Variants in COPG2 observed in about 807,000 individuals in gnomAD.
The protein encoded by COPG2 is coatomer subunit gamma-2.
Under a neutral mutation model 46.3 loss-of-function variants are expected in COPG2, and 37 were observed. The ratio of observed to expected loss-of-function variants is 0.80; its 90% CI spans 0.61 to 1.05. COPG2 has a LOEUF of 1.05. Among genes scored for constraint, COPG2 ranks in the 50% least tolerant of loss-of-function variants. The pLI, the probability that COPG2 is intolerant of heterozygous loss-of-function variation, is 0.00. For synonymous variants in COPG2, 159 were observed against 129.7 expected, an observed-to-expected ratio of 1.23 and a Z score of -1.53; for missense variants, 427 against 387.8, an observed-to-expected ratio of 1.10 and a Z score of -0.85.
chr7:130,509,947 G>A, intron 20 of COPG2: 1 of 471,560 alleles, frequency 2.1e-6, no homozygotes, highest in Non-Finnish European at 4.3e-6. Context: ...TGTACAAACA[G>A]GCAAAAGGAA....
At chr7:130,631,529 C>T (rs1795231499) in intron 5 of COPG2, among the ~76,000 whole-genome samples, 1 of 152,080 alleles carries the variant, frequency 6.6e-6, no homozygotes. Flanking sequence ...TTCTATTTAA[C>T]TCTTTTGTTG....
chr7:130,610,798 A>C (rs782434000), intron 9 of COPG2, 155 bp downstream of exon 9: 4 of 754,854 alleles, frequency 5.3e-6, no homozygotes, highest in East Asian at 2.6e-5. Context: ...AAAAAGTGTG[A>C]CTTGAAATTC....
At chr7:130,573,720 G>A (rs1054426452) in intron 9 of COPG2, among the ~76,000 whole-genome samples, 15 of 151,954 alleles carry the variant, frequency 9.9e-5, no homozygotes, top group Admixed American at 2.0e-4. Context: ...ACACCCATGC[G>A]TGATTTTTAA....
At chr7:130,542,058 A>G (rs1286694188) in intron 20 of COPG2, among the ~76,000 whole-genome samples, 2,188 of 124,526 alleles carry the variant, frequency 0.018, 152 homozygotes, top group South Asian at 0.045. Flanking sequence ...GGGCAAGAAG[A>G]ATGAGTTGGA....
chr7:130,614,343 C>CA (rs782326558), intron 6 of COPG2, among the ~76,000 whole-genome samples: 13 of 152,042 alleles, frequency 8.6e-5, no homozygotes, highest in Non-Finnish European at 1.9e-4. Flanking sequence ...AACAGTGCAC[C>CA]AAAAAATATT....
Position 130,588,576 on chromosome 7 carries a change from CAT to C in COPG2, c.737+22375_737+22376del, listed in dbSNP as rs562851621. Among the ~76,000 whole-genome samples, 444 of 152,088 alleles carry C rather than the reference CAT, an allele frequency of 2.9e-3. 2 individuals are homozygous for C. The highest frequency in any genetic ancestry group is 9.1e-3 in the African/African-American group (379 of 41,476). On this transcript the variant is annotated intron_variant, in intron 9 of 23. Transcript: ENST00000425248. ...AAACCAAACACCGCATGTTCTTGCTCATAGGTGGGAATTGAACAATGAGAACA... is the reference window on the plus strand; with the variant it reads ...AAACCAAACACCGCATGTTCTTGCTCAGGTGGGAATTGAACAATGAGAACA...
intron 1 of COPG2, 96 bp from the exon 2 acceptor site, chr7:130,667,630 ACACTTG>A (rs1796114770): frequency 1.1e-6 from 1 of 894,354 alleles, no homozygotes; most frequent in Admixed American, 2.0e-5. Flanking sequence ...TGGGAAGTGA[ACACTTG>A]GATGGCACAG....
rs1469233473 is a variant in COPG2 at position 130,541,877 on chromosome 7, G to A, written c.2149+5797C>T. 5.0e-5 allele frequency among the ~76,000 whole-genome samples: 7 copies of A among 139,132 alleles called. No homozygotes were observed. The East Asian group carries it at 1.4e-3, about 28-fold the overall frequency. The allele number at this position is 139,132 out of a possible 152,430, so 91.3% of individuals were successfully genotyped here. On this transcript the variant is annotated intron_variant, in intron 20 of 23. Coordinates refer to ENST00000425248, the MANE Select transcript of COPG2 (RefSeq NM_012133.6). ...GAATTAGGCCAGTGGCAGAATCGCA[G>A]GTGGTGCTGAGAGAACGCAGCATGG...
At chr7:130,635,562 T>C (rs1795320180) in intron 5 of COPG2, among the ~76,000 whole-genome samples, 2 of 152,206 alleles carry the variant, frequency 1.3e-5, no homozygotes, top group South Asian at 4.1e-4. Flanking sequence ...TGATATCTTT[T>C]ATCATTTTTT....
intron 12 of COPG2, among the ~76,000 whole-genome samples, chr7:130,555,721 C>T (rs1261391708): frequency 3.9e-5 from 6 of 151,978 alleles, no homozygotes; most frequent in African/African-American, 1.2e-4. Flanking sequence ...CCCAGCTACT[C>T]GGAGAGCCTG....
chr7:130,563,038 A>C (rs1480890357), intron 11 of COPG2, among the ~76,000 whole-genome samples: 1 of 152,238 alleles, frequency 6.6e-6, no homozygotes, highest in Non-Finnish European at 1.5e-5. Flanking sequence ...ACCATATTGG[A>C]CAGTGTGGCT....
At chr7:130,619,595 G>A (rs1309345640) in intron 5 of COPG2, among the ~76,000 whole-genome samples, 1 of 152,136 alleles carries the variant, frequency 6.6e-6, no homozygotes, top group East Asian at 1.9e-4. Context: ...AATTTCTACA[G>A]TAGTTTAACC....
At chr7:130,567,319 A>C (rs1273241150) in intron 9 of COPG2, among the ~76,000 whole-genome samples, 3 of 152,212 alleles carry the variant, frequency 2.0e-5, no homozygotes, top group African/African-American at 7.2e-5. Context: ...ATTATGCTAA[A>C]TGACCAAACC....
intron 20 of COPG2, among the ~76,000 whole-genome samples, chr7:130,530,648 C>G (rs1361283543): frequency 6.6e-6 from 1 of 152,040 alleles, no homozygotes; most frequent in African/African-American, 2.4e-5. Context: ...CAGGCAGGTA[C>G]CTTCCCCTGG....
At chr7:130,546,167 T>G (rs1467396771) in intron 20 of COPG2, among the ~76,000 whole-genome samples, 4 of 152,126 alleles carry the variant, frequency 2.6e-5, no homozygotes, top group Admixed American at 1.3e-4. Flanking sequence ...AGGAGGAATT[T>G]TGAAACATGG....
intron 5 of COPG2, among the ~76,000 whole-genome samples, chr7:130,620,019 G>C (rs1278734461): frequency 6.6e-6 from 1 of 152,076 alleles, no homozygotes; most frequent in African/African-American, 2.4e-5. Context: ...GTTGGTGTCA[G>C]TCATTCTGTT....
chr7:130,563,774 G>A (rs1400255704), intron 10 of COPG2, among the ~76,000 whole-genome samples: 32,871 of 84,428 alleles, frequency 0.39, 3,871 homozygotes, highest in Middle Eastern at 0.54. Flanking sequence ...AAAAAAAAAA[G>A]AAAAAAAAAA....
intron 5 of COPG2, among the ~76,000 whole-genome samples, chr7:130,635,929 A>C (rs1046629654): frequency 3.6e-4 from 55 of 152,306 alleles, no homozygotes; most frequent in African/African-American, 1.2e-3. Flanking sequence ...GTTTCAAAGA[A>C]CTTATTTATT....
At chr7:130,664,716 T>C (rs1796039742) in intron 3 of COPG2, among the ~76,000 whole-genome samples, 1 of 152,236 alleles carries the variant, frequency 6.6e-6, no homozygotes, top group South Asian at 2.1e-4. Context: ...TACATGTTAC[T>C]CTCAATCAAC....
Sources: allele counts gnomAD v4.1 joint callset (sites outside exome capture counted in the v4.1 genomes callset), GRCh38; gene constraint gnomAD v4.1.1; transcripts MANE v1.5; gene names NCBI Gene and HGNC (gene_info 2026-07-23, HGNC 2026-07-21).